PKNOX2: variants seen among roughly 807,000 people sequenced by gnomAD.
PKNOX2 encodes homeobox protein PKNOX2.
A neutral mutation model predicts 53.1 loss-of-function variants in PKNOX2; 14 were observed. The ratio of observed to expected loss-of-function variants is 0.26; its 90% CI spans 0.17 to 0.41. PKNOX2 has a LOEUF of 0.41. Among genes scored for constraint, PKNOX2 ranks in the 10% least tolerant of loss-of-function variants. The pLI is 1.00. For missense variants in PKNOX2, 496 were observed against 602.8 expected, an observed-to-expected ratio of 0.82 and a Z score of 1.85; for synonymous variants, 257 against 242.8, an observed-to-expected ratio of 1.06 and a Z score of -0.54.
intron 2 of PKNOX2, among the ~76,000 whole-genome samples, chr11:125,242,446 G>T (rs1943233858): frequency 6.6e-6 from 1 of 152,110 alleles, no homozygotes; most frequent in Non-Finnish European, 1.5e-5. Context: ...GTTCATACAT[G>T]TTCTAGGATG....
rs1565508784 is a variant in PKNOX2, at chr11:125,370,186, C to T, written c.227+2201C>T. Among the ~76,000 whole-genome samples, 1 of 152,292 alleles carries T rather than the reference C, an allele frequency of 6.6e-6. No individual in the cohort carries two copies. The highest frequency in any genetic ancestry group is 1.9e-4 in the East Asian group (1 of 5,172). ...TCCTAGCCTCTCTGAGCTTTCATGT[C>T]CCGATGGAACCTAAGCAGCAGACTT... is the stretch of plus-strand genomic sequence containing the variant. On this transcript the variant is annotated intron_variant, in intron 5 of 12. Coordinates refer to ENST00000298282, the MANE Select transcript of PKNOX2 (RefSeq NM_001382323.2). The surrounding 1 kb of genome is among the most constrained non-coding windows in gnomAD (Gnocchi z 4.1).
At chr11:125,216,412 G>A (rs1416088822) in intron 1 of PKNOX2, among the ~76,000 whole-genome samples, 1 of 152,188 alleles carries the variant, frequency 6.6e-6, no homozygotes, top group East Asian at 1.9e-4. Context: ...GAAGAGGACA[G>A]ATAAACTCAG....
intron 2 of PKNOX2, among the ~76,000 whole-genome samples, chr11:125,287,431 G>A (rs936152100): frequency 6.6e-6 from 1 of 152,210 alleles, no homozygotes; most frequent in African/African-American, 2.4e-5. Context: ...CTGCAACCTG[G>A]GGAAAGGGCG....
rs538789416 is a variant in PKNOX2 at position 125,422,153 on chromosome 11, G to T, written c.937-6859G>T. Among the ~76,000 whole-genome samples, 1 of 152,030 alleles carries T rather than the reference G, an allele frequency of 6.6e-6. No individual in the cohort carries two copies. Among genetic ancestry groups the T allele is most frequent in the Non-Finnish European group, 1.5e-5 (1 of 67,994 alleles). On this transcript the variant is annotated intron_variant, in intron 10 of 12. Coordinates refer to ENST00000298282, the MANE Select transcript of PKNOX2 (RefSeq NM_001382323.2). This position sits in a 1 kb window ranked among gnomAD's most constrained non-coding sequence, Gnocchi z 4.1. The stretch of plus-strand genomic sequence containing the variant: ...TATTGGCCACAGGGAGTGACCCCTC[G>T]CTCCAAGTTGTTGTGGTCCTCAAAC...
intron 2 of PKNOX2, among the ~76,000 whole-genome samples, chr11:125,265,160 G>A (rs1455791817): frequency 2.0e-5 from 3 of 151,994 alleles, no homozygotes; most frequent in Non-Finnish European, 2.9e-5. Flanking sequence ...GATGGTGGGC[G>A]CCTGTAGTCC....
At chr11:125,371,502 G>A (rs369088666) in intron 5 of PKNOX2, among the ~76,000 whole-genome samples, 1 of 152,152 alleles carries the variant, frequency 6.6e-6, no homozygotes, top group African/African-American at 2.4e-5. Context: ...CAGAGGCAGG[G>A]CCAAGAGGGT....
rs11220022 is a variant in PKNOX2, at chr11:125,316,198, T to G, written c.-129-15621T>G. 7.7e-3 allele frequency among the ~76,000 whole-genome samples: 1,177 copies of G among 152,296 alleles called. 11 individuals carry two copies. The highest frequency in any genetic ancestry group is 0.014 in the Middle Eastern group (4 of 294). On this transcript the variant is annotated intron_variant, in intron 2 of 12. Transcript: ENST00000298282. Reference sequence around the variant, plus strand: ...CAGCCAGTTGCTACTGACTCACCCCTCTTTAGTGGTCGTCCATCCACCTGC... The same window carrying G: ...CAGCCAGTTGCTACTGACTCACCCCGCTTTAGTGGTCGTCCATCCACCTGC...
intron 3 of PKNOX2, among the ~76,000 whole-genome samples, chr11:125,343,927 G>A (rs7109753): frequency 0.084 from 12,814 of 152,038 alleles, 1,726 homozygotes; most frequent in African/African-American, 0.29. Flanking sequence ...GAGTCAGAGC[G>A]GCATGGCTGT....
At chr11:125,279,054 A>ATGTGTCTGGCTTGGCGGGACTAT (rs1946371840) in intron 2 of PKNOX2, among the ~76,000 whole-genome samples, 2 of 152,218 alleles carry the variant, frequency 1.3e-5, no homozygotes, top group Admixed American at 6.5e-5. Flanking sequence ...CAACAGGGGC[A>ATGTGTCTGGCTTGGCGGGACTAT]TGTGTCTGGC....
At chr11:125,417,830 G>C (rs894567885) in intron 10 of PKNOX2, among the ~76,000 whole-genome samples, 5 of 151,920 alleles carry the variant, frequency 3.3e-5, no homozygotes, top group African/African-American at 1.2e-4. Context: ...ACATTCAGAA[G>C]CCTGGCCTGG....
At chr11:125,351,497 A>G in intron 4 of PKNOX2, 105 bp downstream of exon 4, 1 of 727,022 alleles carries the variant, frequency 1.4e-6, no homozygotes, top group South Asian at 1.7e-5. Context: ...GGGCAGAGCC[A>G]GGCCTCCCGC....
chr11:125,386,415 G>A (rs190253348), intron 6 of PKNOX2, among the ~76,000 whole-genome samples: 1 of 152,260 alleles, frequency 6.6e-6, no homozygotes, highest in Admixed American at 6.5e-5. Context: ...CCACTGAGTT[G>A]GATGACATCT....
chr11:125,280,935 G>A (rs1216921254), intron 2 of PKNOX2, among the ~76,000 whole-genome samples: 1 of 152,196 alleles, frequency 6.6e-6, no homozygotes, highest in Admixed American at 6.5e-5. Flanking sequence ...AAGAGTCTGA[G>A]GGTGTCCAGG....
chr11:125,428,909 G>C, intron 10 of PKNOX2, 103 bp from the exon 11 acceptor site: 2 of 1,267,734 alleles, frequency 1.6e-6, no homozygotes, highest in Admixed American at 1.9e-5. Context: ...CAAACCACTC[G>C]GGCTGCCTGG....
chr11:125,287,450 G>A (rs1946978002), intron 2 of PKNOX2, among the ~76,000 whole-genome samples: 1 of 152,226 alleles, frequency 6.6e-6, no homozygotes, highest in African/African-American at 2.4e-5. Context: ...CGTGCTAGCA[G>A]CCAAATGCTC....
chr11:125,263,663 C>T (rs747734046), intron 2 of PKNOX2, among the ~76,000 whole-genome samples: 1 of 152,246 alleles, frequency 6.6e-6, no homozygotes, highest in Non-Finnish European at 1.5e-5. Context: ...AGACTGGGCC[C>T]CACAGAACGT....
At chr11:125,417,715 C>T (rs749004767) in intron 10 of PKNOX2, among the ~76,000 whole-genome samples, 5 of 152,048 alleles carry the variant, frequency 3.3e-5, no homozygotes, top group Non-Finnish European at 7.3e-5. Flanking sequence ...CCAGCAGAGG[C>T]GTGGAGCCCC....
chr11:125,298,803 G>A (rs546879970), intron 2 of PKNOX2, among the ~76,000 whole-genome samples: 3 of 152,246 alleles, frequency 2.0e-5, no homozygotes, highest in African/African-American at 4.8e-5. Context: ...CGGGGTCTCC[G>A]CAACTCCTGT....
At chr11:125,193,017 C>A (rs1816140335) in intron 1 of PKNOX2, among the ~76,000 whole-genome samples, 1 of 152,236 alleles carries the variant, frequency 6.6e-6, no homozygotes, top group Non-Finnish European at 1.5e-5. Flanking sequence ...GGGTGGGACC[C>A]TCAGGGTCAC....
Sources: gnomAD v4.1 joint callset for allele counts (sites outside exome capture counted in the v4.1 genomes callset) on GRCh38, gnomAD v4.1.1 for gene constraint, Gnocchi (gnomAD v3.1) non-coding constraint, MANE v1.5 for transcripts, NCBI Gene and HGNC (gene_info 2026-07-23, HGNC 2026-07-21) for gene names.